SETDB1: variants seen among roughly 807,000 people sequenced by gnomAD.
The protein encoded by SETDB1 is SET domain bifurcated histone lysine methyltransferase 1.
In SETDB1, 31 loss-of-function variants were observed where a neutral mutation model predicts 137.4. That is an observed-to-expected ratio of 0.23 (90% CI 0.17 to 0.30). The LOEUF (loss-of-function observed/expected upper bound fraction) is 0.30, where lower values mean the gene tolerates loss of function less well. SETDB1 is among the 10% of genes least tolerant of loss of function. The probability of loss-of-function intolerance (pLI) is 1.00; values close to 1 mark genes in which losing one functional copy is unlikely to be tolerated. For synonymous variants in SETDB1, 548 were observed against 579.9 expected (o/e 0.95, Z 0.79); for missense variants, 1,113 against 1,631.5 (o/e 0.68, Z 5.47).
intron 2 of SETDB1, among the ~76,000 whole-genome samples, chr1:150,929,248 A>G (rs944267374): frequency 1.3e-5 from 2 of 152,144 alleles, no homozygotes; most frequent in Non-Finnish European, 2.9e-5. Context: ...CATCCTCTCC[A>G]GCACCTGTTG....
At chr1:150,962,938 T>A (rs375147804) in intron 18 of SETDB1, 36 bp from the exon 19 acceptor site, 377 of 1,604,038 alleles carry the variant, frequency 2.4e-4, no homozygotes, top group Non-Finnish European at 3.0e-4. Flanking sequence ...CCCTTCCCAT[T>A]TACTTCTCTT....
At chr1:150,944,814 T>C (rs1413954787) in intron 8 of SETDB1, 104 bp from the exon 9 acceptor site, 3 of 1,320,988 alleles carry the variant, frequency 2.3e-6, no homozygotes, top group African/African-American at 1.5e-5. Flanking sequence ...TTACTTTTTC[T>C]CTCCTTTTCA....
chr1:150,926,695 G>A (rs1669531888), intron 1 of SETDB1, 178 bp downstream of exon 1: 3 of 528,778 alleles, frequency 5.7e-6, no homozygotes, highest in Non-Finnish European at 1.2e-5. Flanking sequence ...CACGGGGGTG[G>A]GCTGGTGTGT....
At position 150,960,745 on chromosome 1, in the gene SETDB1, A is replaced by T. The variant is rs754954308; in HGVS notation, c.2686A>T (p.Thr896Ser). The T allele has an allele frequency of 6.2e-7, 1 of 1,611,702 alleles. No homozygotes were observed. Among genetic ancestry groups the T allele is most frequent in the South Asian group, 1.1e-5 (1 of 90,722 alleles). ...LKDQEDGNSG[T>S]EDPEESNDDS... ...GGACCAGGAAGATGGCAACAGCGGT[A>T]CAGAGGACCCTGAAGAGTCCAATGA... The change falls in exon 16 of 22, where the codon ACA becomes TCA. Residue 896 changes from threonine to serine, a missense_variant. Thr to Ser is a moderately conservative substitution (Grantham distance 58). This residue lies in a region of SETDB1 where 373 missense variants were observed against 412.7 expected (regional missense o/e 0.90). Transcript: ENST00000692827.
chr1:150,956,890 G>A (rs1343739182), intron 14 of SETDB1, among the ~76,000 whole-genome samples: 1 of 152,128 alleles, frequency 6.6e-6, no homozygotes, highest in Non-Finnish European at 1.5e-5. Flanking sequence ...CGTGGTGGGG[G>A]GATGGCTTGA....
chr1:150,930,066 A>C lies in SETDB1; in HGVS notation c.360A>C (p.Thr120=). The change falls in exon 3 of 22, where the codon ACA becomes ACC. Residue 120 remains threonine (T), a synonymous_variant. Transcript: ENST00000692827. ...SSSEDESSRP[T]EIIEIPDEDD... The stretch of plus-strand genomic sequence containing the variant: ...CTGAGGACGAATCTTCCCGGCCTAC[A>C]GAAATAATTGAGATTCCTGATGAAG... 6.2e-7 allele frequency: 1 copy of C among 1,614,098 alleles called. No individual in the cohort carries two copies. Among genetic ancestry groups the C allele is most frequent in the Non-Finnish European group, 8.5e-7 (1 of 1,179,956 alleles).
chr1:150,940,107 T>G, intron 4 of SETDB1, 133 bp downstream of exon 4: 1 of 567,664 alleles, frequency 1.8e-6, no homozygotes, highest in South Asian at 2.7e-5. Flanking sequence ...TGCGTTGCAG[T>G]CCTCTGATTG....
rs1669577820 is a variant in SETDB1, at chr1:150,927,728, C to T, written c.14C>T (p.Pro5Leu). The T allele has an allele frequency of 6.2e-7, 1 of 1,613,990 alleles. No homozygotes were observed. The highest frequency in any genetic ancestry group is 8.5e-7 in the Non-Finnish European group (1 of 1,179,930). Reference protein sequence around the residue: MSSLPGCIGLDAATA... With the variant: MSSLLGCIGLDAATA... ...GAGGACAAAAGCATGTCTTCCCTTC[C>T]TGGGTGCATTGGTTTGGATGCAGCA... Residue 5 changes from proline (P) to leucine (L), a missense_variant, in exon 2 of 22, where the codon CCT (proline) becomes CTT (leucine). Pro to Leu is a moderately conservative substitution (Grantham distance 98). This residue lies in a region of SETDB1 where 32 missense variants were observed against 26.3 expected (regional missense o/e 1.22). Coordinates refer to ENST00000692827, the MANE Select transcript of SETDB1 (RefSeq NM_001366418.1).
At chr1:150,936,765 G>GACTTCAGCCTCCCAAGTAGCTGAGAC (rs1669957369) in intron 3 of SETDB1, among the ~76,000 whole-genome samples, 1 of 151,750 alleles carries the variant, frequency 6.6e-6, no homozygotes, top group Non-Finnish European at 1.5e-5. Flanking sequence ...AGCTCACTTC[G>GACTTCAGCCTCCCAAGTAGCTGAGAC]ACTTCAGCCT....
At chr1:150,938,893 T>C (rs944772541) in intron 3 of SETDB1, among the ~76,000 whole-genome samples, 10 of 151,444 alleles carry the variant, frequency 6.6e-5, no homozygotes, top group Non-Finnish European at 1.5e-4. Flanking sequence ...CTTTGGAGGT[T>C]GAGGCAGGTG....
At chr1:150,946,469 A>T (rs112888711) in intron 9 of SETDB1, among the ~76,000 whole-genome samples, 11 of 150,404 alleles carry the variant, frequency 7.3e-5, no homozygotes, top group African/African-American at 2.4e-4. Context: ...TTTGGGGGGG[A>T]TGGAGTTTCG....
chr1:150,960,902 C>G lies in SETDB1; in HGVS notation c.2843C>G (p.Ser948Cys), dbSNP rs779790467. The G allele has an allele frequency of 1.4e-5, 23 of 1,612,654 alleles. No homozygotes were observed. In the Admixed American group the frequency reaches 3.8e-4, roughly 27 times the overall value. ...NGLSETTSKD[S>C]HPPDLGPPHI... ...CTCTCTGAGACAACTTCCAAGGACT[C>G]CCACCCCCCAGATCTTGGACCCCCA... is the stretch of plus-strand genomic sequence containing the variant. The change falls in exon 16 of 22, where the codon TCC becomes TGC. Residue 948 changes from serine to cysteine, a missense_variant. Around this residue, in one of 11 missense-constraint regions of SETDB1, gnomAD observed 373 missense variants for 412.7 expected, o/e 0.90. Coordinates refer to ENST00000692827, the MANE Select transcript of SETDB1 (RefSeq NM_001366418.1).
chr1:150,933,779 CTTTTTTT>C (rs890205371), intron 3 of SETDB1, among the ~76,000 whole-genome samples: 1 of 20,114 alleles, frequency 5.0e-5, no homozygotes, highest in African/African-American at 9.0e-5. Flanking sequence ...TTTTCTTTTT[CTTTTTTT>C]TTTTTTTTTT....
chr1:150,933,817 C>G (rs866970962), intron 3 of SETDB1, among the ~76,000 whole-genome samples: 15 of 97,338 alleles, frequency 1.5e-4, no homozygotes, highest in South Asian at 3.5e-4. Context: ...AGTTTTCGCT[C>G]TTGTTGTCTA....
At chr1:150,960,030 G>A (rs2102746716) in intron 15 of SETDB1, among the ~76,000 whole-genome samples, 1 of 151,632 alleles carries the variant, frequency 6.6e-6, no homozygotes, top group South Asian at 2.1e-4. Context: ...CCGAGATCAT[G>A]CCACTGCACT....
rs374004630 is a variant in SETDB1 at position 150,942,505 on chromosome 1, C to T, written c.548-58C>T. The T allele has an allele frequency of 8.9e-5, 134 of 1,501,710 alleles. 6 individuals are homozygous for T. The highest frequency in any genetic ancestry group is 6.3e-4 in the East Asian group (28 of 44,268). 93.0% of individuals were successfully genotyped at this position (1,501,710 alleles called of 1,614,324 possible). On this transcript the variant is annotated intron_variant, in intron 5 of 21. Coordinates refer to ENST00000692827, the MANE Select transcript of SETDB1 (RefSeq NM_001366418.1). ...ATTACCATACTACCCTCTTTACCTT[C>T]CCGTTCTCTACCGAATCTATGTCAT...
At position 150,927,969 on chromosome 1, in the gene SETDB1, A is replaced by G. The variant is rs144807112; in HGVS notation, c.255A>G (p.Ala85=). The G allele has an allele frequency of 2.0e-5, 32 of 1,613,984 alleles. No homozygotes were observed. In the African/African-American group the frequency reaches 4.0e-4, roughly 20 times the overall value. Residue 85 remains alanine (A), a synonymous_variant, in exon 2 of 22, where the codon GCA becomes GCG. Transcript: ENST00000692827. ...ACGTTGACCAACTCTTTGATGATGC[A>G]TCCAGGTGAGAACTCCATGGAAAAT... ...VAHVDQLFDD[A]SRAVTNCESL...
At chr1:150,959,858 G>C (rs587773594) in intron 15 of SETDB1, among the ~76,000 whole-genome samples, 17 of 152,264 alleles carry the variant, frequency 1.1e-4, no homozygotes, top group Admixed American at 7.9e-4. Context: ...GATCACCTGA[G>C]GTCAGGAGTT....
At chr1:150,960,534 A>G in intron 15 of SETDB1, 29 bp from the exon 16 acceptor site, 2 of 1,579,748 alleles carry the variant, frequency 1.3e-6, no homozygotes, top group Non-Finnish European at 1.7e-6. Flanking sequence ...CCATAACCCT[A>G]GAAGGCCTTT....
Sources: gnomAD v4.1 joint callset for allele counts (sites outside exome capture counted in the v4.1 genomes callset) on GRCh38, gnomAD v4.1.1 for gene constraint, gnomAD v4.1.1 regional missense constraint, MANE v1.5 for transcripts, NCBI Gene and HGNC (gene_info 2026-07-23, HGNC 2026-07-21) for gene names.